DNAH11: variants seen among roughly 807,000 people sequenced by gnomAD.
The protein encoded by DNAH11 is dynein axonemal heavy chain 11.
In DNAH11, 442 loss-of-function variants were observed where a neutral mutation model predicts 526.0. That is an observed-to-expected ratio of 0.84 (90% CI 0.78 to 0.91). DNAH11 has a LOEUF of 0.91. Among genes scored for constraint, DNAH11 ranks in the 40% least tolerant of loss-of-function variants. The pLI is 0.00. For synonymous variants in DNAH11, 2,461 were observed against 1,935.9 expected, an observed-to-expected ratio of 1.27 and a Z score of -7.12; for missense variants, 6,989 against 5,448.7, an observed-to-expected ratio of 1.28 and a Z score of -8.90.
intron 57 of DNAH11, among the ~76,000 whole-genome samples, chr7:21,783,665 T>C (rs985177798): frequency 1.3e-5 from 2 of 150,628 alleles, no homozygotes; most frequent in African/African-American, 4.9e-5. Context: ...GTCTTCTCAT[T>C]TTGGTTTGGT....
intron 45 of DNAH11, among the ~76,000 whole-genome samples, chr7:21,731,858 A>G (rs190779172): frequency 1.2e-4 from 19 of 152,332 alleles, no homozygotes; most frequent in Non-Finnish European, 2.1e-4. Context: ...CTTGCGTTCA[A>G]GTAACCCTTA....
intron 30 of DNAH11, among the ~76,000 whole-genome samples, chr7:21,664,163 A>G (rs558401220): frequency 9.2e-5 from 13 of 141,082 alleles, no homozygotes; most frequent in Middle Eastern, 3.6e-3. Context: ...TTTTTTAAAA[A>G]TTTTATGGTC....
At chr7:21,568,474 C>G (rs757123007) in intron 6 of DNAH11, among the ~76,000 whole-genome samples, 53 of 152,126 alleles carry the variant, frequency 3.5e-4, no homozygotes, top group Non-Finnish European at 6.5e-4. Context: ...AGTTTGTGGC[C>G]CCTAGTAGGG....
chr7:21,786,276 C>T (rs1193847472), intron 58 of DNAH11, among the ~76,000 whole-genome samples: 1 of 148,440 alleles, frequency 6.7e-6, no homozygotes, highest in African/African-American at 2.5e-5. Context: ...GGGATAGAAC[C>T]TATAAATATC....
In DNAH11 at chr7:21,835,225, A is replaced by C. The variant is rs867458423; in HGVS notation, c.10692-7319A>C. Among the ~76,000 whole-genome samples, 269 of 137,404 alleles carry C rather than the reference A, an allele frequency of 2.0e-3. 1 individual carries two copies. Among genetic ancestry groups the C allele is most frequent in the African/African-American group, 7.3e-3 (244 of 33,532 alleles). 90.1% of individuals were successfully genotyped at this position (137,404 alleles called of 152,430 possible). ...TACCAATCCTTTTCAGACTATTCCA[A>C]AAAAAAAAAAAAAAAACAGAGGGAG... On this transcript the variant is annotated intron_variant, in intron 65 of 81. Coordinates refer to ENST00000409508, the MANE Select transcript of DNAH11 (RefSeq NM_001277115.2).
At chr7:21,598,513 C>G (rs1784950185) in intron 14 of DNAH11, among the ~76,000 whole-genome samples, 1 of 152,048 alleles carries the variant, frequency 6.6e-6, no homozygotes, top group Non-Finnish European at 1.5e-5. Flanking sequence ...AAGAAGGGAG[C>G]TTAGAACTTC....
At chr7:21,859,701 G>A (rs1331595034) in intron 68 of DNAH11, among the ~76,000 whole-genome samples, 1 of 151,842 alleles carries the variant, frequency 6.6e-6, no homozygotes, top group Non-Finnish European at 1.5e-5. Flanking sequence ...TTTTTATATT[G>A]ATGGCTATTT....
chr7:21,872,714 C>T (rs144853746), intron 73 of DNAH11, among the ~76,000 whole-genome samples: 2 of 152,320 alleles, frequency 1.3e-5, no homozygotes, highest in African/African-American at 2.4e-5. Flanking sequence ...TAAGGAAAAT[C>T]ATCTGTTAGG....
intron 65 of DNAH11, among the ~76,000 whole-genome samples, chr7:21,841,233 AAT>A (rs561187990): frequency 5.6e-4 from 85 of 152,312 alleles, no homozygotes; most frequent in African/African-American, 2.0e-3. Context: ...TCTTTATAAA[AAT>A]AAAATATTTT....
intron 66 of DNAH11, among the ~76,000 whole-genome samples, chr7:21,850,641 T>A (rs1408709656): frequency 1.7e-4 from 23 of 139,234 alleles, no homozygotes; most frequent in Non-Finnish European, 2.8e-4. Context: ...TGCCTCTAAG[T>A]ATACCTTGTA....
chr7:21,882,399 A>C (rs1783955571), intron 75 of DNAH11, among the ~76,000 whole-genome samples: 1 of 152,190 alleles, frequency 6.6e-6, no homozygotes, highest in Non-Finnish European at 1.5e-5. Context: ...TGGGAATTAA[A>C]TTCCTATGAG....
At chr7:21,838,474 C>G (rs924641124) in intron 65 of DNAH11, among the ~76,000 whole-genome samples, 4 of 152,162 alleles carry the variant, frequency 2.6e-5, no homozygotes, top group Non-Finnish European at 5.9e-5. Context: ...AACATCAACA[C>G]AATCTGTTTT....
intron 45 of DNAH11, among the ~76,000 whole-genome samples, chr7:21,727,821 GT>G (rs988036676): frequency 3.3e-5 from 5 of 152,158 alleles, no homozygotes; most frequent in African/African-American, 1.2e-4. Context: ...ATAAAAACGT[GT>G]TTTTCTCAAA....
intron 6 of DNAH11, among the ~76,000 whole-genome samples, chr7:21,569,493 T>C (rs1035476437): frequency 2.6e-5 from 4 of 152,180 alleles, no homozygotes; most frequent in Admixed American, 2.6e-4. Flanking sequence ...TTCTCCTCTC[T>C]TCCTTTCTTT....
At chr7:21,737,356 A>C (rs1315122806) in intron 46 of DNAH11, among the ~76,000 whole-genome samples, 3 of 152,254 alleles carry the variant, frequency 2.0e-5, no homozygotes, top group African/African-American at 7.2e-5. Flanking sequence ...TGTTTTCTGG[A>C]ACATGGGACT....
intron 25 of DNAH11, among the ~76,000 whole-genome samples, chr7:21,626,652 G>T (rs1462307158): frequency 3.9e-5 from 6 of 151,918 alleles, no homozygotes; most frequent in African/African-American, 1.2e-4. Context: ...TTTAACTGGG[G>T]TGACATCATA....
chr7:21,708,168 A>G (rs1157589874), intron 40 of DNAH11, among the ~76,000 whole-genome samples: 1 of 152,196 alleles, frequency 6.6e-6, no homozygotes, highest in African/African-American at 2.4e-5. Flanking sequence ...AAGTTCAGGC[A>G]GACATTATTC....
At chr7:21,691,520 T>C (rs1352991676) in intron 35 of DNAH11, among the ~76,000 whole-genome samples, 1 of 152,134 alleles carries the variant, frequency 6.6e-6, no homozygotes, top group African/African-American at 2.4e-5. Flanking sequence ...CTGAGGGCCC[T>C]GGTCCAGAAT....
At chr7:21,847,058 T>C (rs1253083159) in intron 66 of DNAH11, among the ~76,000 whole-genome samples, 4 of 152,188 alleles carry the variant, frequency 2.6e-5, no homozygotes, top group African/African-American at 9.6e-5. Flanking sequence ...TTTCTCATAC[T>C]AGTAATTGGT....
Sources: allele counts gnomAD v4.1 joint callset (sites outside exome capture counted in the v4.1 genomes callset), GRCh38; gene constraint gnomAD v4.1.1; transcripts MANE v1.5; gene names NCBI Gene and HGNC (gene_info 2026-07-23, HGNC 2026-07-21).